NT5DC1: variants seen among roughly 807,000 people sequenced by gnomAD.
NT5DC1 encodes 5'-nucleotidase domain-containing protein 1.
In NT5DC1, 42 loss-of-function variants were observed where a neutral mutation model predicts 59.4. The observed-to-expected ratio is 0.71, with a 90% confidence interval of 0.55 to 0.92. The LOEUF (loss-of-function observed/expected upper bound fraction) is 0.92, where lower values mean the gene tolerates loss of function less well. NT5DC1 is among the 40% of genes least tolerant of loss of function. The pLI, the probability that NT5DC1 is intolerant of heterozygous loss-of-function variation, is 0.00. For synonymous variants in NT5DC1, 172 were observed against 188.1 expected, an observed-to-expected ratio of 0.91 and a Z score of 0.70; for missense variants, 501 against 537.1, an observed-to-expected ratio of 0.93 and a Z score of 0.66.
chr6:116,174,867 A>C (rs1206765002), intron 6 of NT5DC1, among the ~76,000 whole-genome samples: 2 of 152,180 alleles, frequency 1.3e-5, no homozygotes, highest in African/African-American at 4.8e-5. Context: ...CAAACACTAC[A>C]TAAGCCATTT....
rs1050499719 is a variant in NT5DC1, at chr6:116,248,296, A to G, written c.*4272A>G. On this transcript the variant is annotated 3_prime_UTR_variant, in exon 12 of 12. Transcript: ENST00000319550. Reference sequence around the variant, plus strand: ...AAAACTTGTGTTACAAGGATTATCAAAGTAATATGTGCACTTCGAAGTGCC... The same window carrying G: ...AAAACTTGTGTTACAAGGATTATCAGAGTAATATGTGCACTTCGAAGTGCC... The G allele has an allele frequency of 6.6e-6, 1 of 152,208 alleles. No individual in the cohort carries two copies. The highest frequency in any genetic ancestry group is 2.4e-5 in the African/African-American group (1 of 41,460). The allele number at this position is 152,208 out of a possible 1,614,324, so 9.4% of individuals were successfully genotyped here. A position where few individuals can be genotyped will look rare whatever the true frequency, so the allele number is the denominator to read the frequency against.
At chr6:116,216,864 C>A (rs1382683578) in intron 6 of NT5DC1, among the ~76,000 whole-genome samples, 3 of 152,260 alleles carry the variant, frequency 2.0e-5, no homozygotes, top group Admixed American at 6.5e-5. Flanking sequence ...TTAAACAGTT[C>A]ATCGCTAGGC....
At chr6:116,120,579 G>A in intron 6 of NT5DC1, 1 of 1,599,026 alleles carries the variant, frequency 6.3e-7, no homozygotes, top group Non-Finnish European at 8.5e-7. Flanking sequence ...GGTGGGCCTG[G>A]AGGCCCAGGG....
chr6:116,101,100 GCAACGGCGGA>G lies in NT5DC1; in HGVS notation c.93+79_93+88del, dbSNP rs1778637422. 8.2e-6 allele frequency: 9 copies of G among 1,097,614 alleles called. No homozygotes were observed. In the South Asian group the frequency reaches 1.3e-4, roughly 16 times the overall value. The allele number at this position is 1,097,614 out of a possible 1,614,324, so 68.0% of individuals were successfully genotyped here. A position where few individuals can be genotyped will look rare whatever the true frequency, so the allele number is the denominator to read the frequency against. On this transcript the variant is annotated intron_variant, in intron 1 of 11. Transcript: ENST00000319550. ...GGGCTTGAGTTTCCTCCAGGTTTGG[GCAACGGCGGA>G]CGCTGCCCGGGGCCTGCGGCGGCCG...
intron 6 of NT5DC1, among the ~76,000 whole-genome samples, chr6:116,143,389 T>A (rs1779815056): frequency 6.6e-6 from 1 of 152,128 alleles, no homozygotes; most frequent in African/African-American, 2.4e-5. Flanking sequence ...TTTTTTTGTA[T>A]CTTTAGTAGA....
chr6:116,155,833 G>C (rs895466993), intron 6 of NT5DC1, among the ~76,000 whole-genome samples: 1 of 150,546 alleles, frequency 6.6e-6, no homozygotes, highest in Non-Finnish European at 1.5e-5. Context: ...GTTTTTTAAA[G>C]AGCAGATACA....
intron 8 of NT5DC1, among the ~76,000 whole-genome samples, chr6:116,227,271 A>G (rs1183234463): frequency 6.6e-6 from 1 of 152,076 alleles, no homozygotes; most frequent in Non-Finnish European, 1.5e-5. Context: ...TGTGTCCTCC[A>G]GGTTCATCCA....
At chr6:116,205,463 T>C (rs776421821) in intron 6 of NT5DC1, among the ~76,000 whole-genome samples, 23 of 120,588 alleles carry the variant, frequency 1.9e-4, no homozygotes, top group Non-Finnish European at 3.1e-4. Flanking sequence ...TTCCCTGTTA[T>C]CTGGTAGGTT....
At chr6:116,180,772 T>G (rs564999987) in intron 6 of NT5DC1, among the ~76,000 whole-genome samples, 2 of 152,114 alleles carry the variant, frequency 1.3e-5, no homozygotes, top group African/African-American at 4.8e-5. Context: ...CCCAATTTCA[T>G]CAGTGAATAA....
chr6:116,134,902 A>G lies in NT5DC1; in HGVS notation c.529+16957A>G, dbSNP rs560835360. Among the ~76,000 whole-genome samples the G allele has an allele frequency of 5.8e-4, 88 of 152,286 alleles. 2 individuals carry two copies. In the South Asian group the frequency reaches 0.018, roughly 31 times the overall value. On this transcript the variant is annotated intron_variant, in intron 6 of 11. Coordinates refer to ENST00000319550, the MANE Select transcript of NT5DC1 (RefSeq NM_152729.3). ...TTCAGGTTGGGCCTGAGATGGAAAG[A>G]AAAAGGAGAAGAGCCCAGAATCTTG... is the stretch of plus-strand genomic sequence containing the variant.
rs1778766042 is a variant in NT5DC1 at position 116,106,336 on chromosome 6, G to A, written c.185+1G>A. ...TGACCCCAGAGGATTGGGATTTCTG[G>A]TAAGTTCTTTTTTTTTTTTTTTTTT... On this transcript the variant is annotated splice_donor_variant, in intron 2 of 11. Coordinates refer to ENST00000319550, the MANE Select transcript of NT5DC1 (RefSeq NM_152729.3). LOFTEE classifies it high-confidence loss of function. 3 of 1,360,324 alleles carry A rather than the reference G, an allele frequency of 2.2e-6. No individual in the cohort carries two copies. Among genetic ancestry groups the A allele is most frequent in the Non-Finnish European group, 3.1e-6 (3 of 976,214 alleles). The allele number at this position is 1,360,324 out of a possible 1,614,324, so 84.3% of individuals were successfully genotyped here.
At chr6:116,125,821 A>T (rs759156475) in intron 6 of NT5DC1, 14 of 231,242 alleles carry the variant, frequency 6.1e-5, no homozygotes, top group Non-Finnish European at 1.0e-4. Context: ...AATATCTAAT[A>T]GTTTCAAAAT....
intron 6 of NT5DC1, among the ~76,000 whole-genome samples, chr6:116,194,678 G>GGCTTATGAACTAAGAACT (rs1256376776): frequency 1.3e-5 from 2 of 151,960 alleles, no homozygotes; most frequent in East Asian, 3.9e-4. Flanking sequence ...TGTTGTTTAT[G>GGCTTATGAACTAAGAACT]GCTTATGAAC....
At chr6:116,200,009 A>G (rs1781313771) in intron 6 of NT5DC1, among the ~76,000 whole-genome samples, 2 of 148,538 alleles carry the variant, frequency 1.3e-5, no homozygotes, top group African/African-American at 5.1e-5. Flanking sequence ...TGGGGGGGGA[A>G]GAGTAACTTT....
At chr6:116,146,807 G>T (rs1779909271) in intron 6 of NT5DC1, among the ~76,000 whole-genome samples, 1 of 151,782 alleles carries the variant, frequency 6.6e-6, no homozygotes, top group South Asian at 2.1e-4. Flanking sequence ...TCAGATCAGT[G>T]GAAGACAGAT....
chr6:116,201,571 T>C (rs1448063351), intron 6 of NT5DC1, among the ~76,000 whole-genome samples: 1 of 152,052 alleles, frequency 6.6e-6, no homozygotes, highest in African/African-American at 2.4e-5. Flanking sequence ...TCAGGTTTAC[T>C]GATGATATTA....
At chr6:116,184,921 G>T (rs1161759061) in intron 6 of NT5DC1, among the ~76,000 whole-genome samples, 1 of 151,870 alleles carries the variant, frequency 6.6e-6, no homozygotes, top group East Asian at 1.9e-4. Flanking sequence ...TGCTGGGTTT[G>T]GGTTTGGTTT....
chr6:116,154,040 T>C (rs964059364), intron 6 of NT5DC1, among the ~76,000 whole-genome samples: 2 of 151,280 alleles, frequency 1.3e-5, no homozygotes, highest in Non-Finnish European at 3.0e-5. Flanking sequence ...TTTTTTTTTT[T>C]TTTTTTTGAG....
At chr6:116,192,391 C>A (rs1781139677) in intron 6 of NT5DC1, among the ~76,000 whole-genome samples, 1 of 151,894 alleles carries the variant, frequency 6.6e-6, no homozygotes, top group Non-Finnish European at 1.5e-5. Context: ...GATGCCATTT[C>A]TACTTTAAAG....
Sources: gnomAD v4.1 joint callset for allele counts (sites outside exome capture counted in the v4.1 genomes callset) on GRCh38, gnomAD v4.1.1 for gene constraint, MANE v1.5 for transcripts, NCBI Gene and HGNC (gene_info 2026-07-23, HGNC 2026-07-21) for gene names.